Variants in SPPL2A observed in about 807,000 individuals in gnomAD.
The protein encoded by SPPL2A is signal peptide peptidase like 2A, also known as signal peptide peptidase-like 2A.
A neutral mutation model predicts 63.8 loss-of-function variants in SPPL2A; 51 were observed. The observed-to-expected ratio is 0.80, with a 90% CI of 0.64 to 1.01. The LOEUF is 1.01. Ranked by LOEUF, SPPL2A falls within the 50% of genes least tolerant of loss-of-function variation. The pLI is 0.00. For missense variants in SPPL2A, 553 were observed against 622.7 expected (o/e 0.89, Z 1.19); for synonymous variants, 188 against 205.8 (o/e 0.91, Z 0.74).
chr15:50,727,892 T>G (rs560930162), intron 10 of SPPL2A, among the ~76,000 whole-genome samples: 6 of 152,192 alleles, frequency 3.9e-5, no homozygotes, highest in East Asian at 3.8e-4. Flanking sequence ...GAGCGAGCAC[T>G]TAGCTTTTTC....
At chr15:50,717,229 C>T (rs2062605279) in intron 14 of SPPL2A, among the ~76,000 whole-genome samples, 1 of 152,132 alleles carries the variant, frequency 6.6e-6, no homozygotes, top group Admixed American at 6.6e-5. Flanking sequence ...GGGCTGAGTG[C>T]AGTGGTGCAA....
chr15:50,711,458 G>A (rs1340317786), intron 14 of SPPL2A, among the ~76,000 whole-genome samples: 2 of 152,032 alleles, frequency 1.3e-5, no homozygotes, highest in African/African-American at 2.4e-5. Flanking sequence ...CAATCCACCC[G>A]CCTCAGCCTC....
rs2062559806 is a variant in SPPL2A, at chr15:50,711,654, C to T, written c.1489-3780G>A. The stretch of plus-strand genomic sequence containing the variant: ...AAGTTACAAGTGAGGTATAAGTTGC[C>T]CCCTAAAAACAGCATGGAAAGACTG... On this transcript the variant is annotated intron_variant, in intron 14 of 14. Coordinates refer to ENST00000261854, the MANE Select transcript of SPPL2A (RefSeq NM_032802.4). 8.5e-5 allele frequency among the ~76,000 whole-genome samples: 13 copies of T among 152,142 alleles called. No homozygotes were observed. In the South Asian group the frequency reaches 2.7e-3, roughly 32 times the overall value.
At chr15:50,721,504 T>TA (rs1338979094) in intron 13 of SPPL2A, among the ~76,000 whole-genome samples, 3 of 152,046 alleles carry the variant, frequency 2.0e-5, no homozygotes, top group Admixed American at 6.6e-5. Context: ...GATCATGACT[T>TA]ACTGCAGCCT....
chr15:50,714,195 AT>A (rs2062582099), intron 14 of SPPL2A, among the ~76,000 whole-genome samples: 1 of 152,202 alleles, frequency 6.6e-6, no homozygotes, highest in African/African-American at 2.4e-5. Context: ...TTTTAAACAG[AT>A]TTTCCTACAA....
chr15:50,746,691 T>C (rs1261358669), intron 5 of SPPL2A: 1 of 140,338 alleles, frequency 7.1e-6, no homozygotes, highest in Non-Finnish European at 1.5e-5. Context: ...TTTGGAGACA[T>C]AGTCTCACTC....
In SPPL2A at chr15:50,702,426, T is replaced by G. The variant is rs929890417; in HGVS notation, c.*5374A>C. 6.6e-6 allele frequency: 1 copy of G among 152,154 alleles called. No homozygotes were observed. Among genetic ancestry groups the G allele is most frequent in the Non-Finnish European group, 1.5e-5 (1 of 68,028 alleles). 9.4% of individuals were successfully genotyped at this position (152,154 alleles called of 1,614,324 possible). A position where few individuals can be genotyped will look rare whatever the true frequency, so the allele number is the denominator to read the frequency against. The stretch of plus-strand genomic sequence containing the variant: ...TCCATAAAAATATAAAGCCTAGTAG[T>G]GTTATAAAAGTATTAATTTACACTA... On this transcript the variant is annotated 3_prime_UTR_variant, in exon 15 of 15. Coordinates refer to ENST00000261854, the MANE Select transcript of SPPL2A (RefSeq NM_032802.4).
In SPPL2A at chr15:50,703,356, A is replaced by ATATATATATATATATTTTTTTT. The variant is rs1196710672; in HGVS notation, c.*4443_*4444insAAAAAAAATATATATATATATA. The ATATATATATATATATTTTTTTT allele has an allele frequency of 1.6e-5, 1 of 62,042 alleles. No individual in the cohort carries two copies. The highest frequency in any genetic ancestry group is 7.0e-5 in the African/African-American group (1 of 14,240). 3.8% of individuals were successfully genotyped at this position (62,042 alleles called of 1,614,324 possible). The stretch of plus-strand genomic sequence containing the variant: ...TATATATATATATATACATATATAT[A>ATATATATATATATATTTTTTTT]TTTTTTTTTTTTTTTTTTTTTTTTG... On this transcript the variant is annotated 3_prime_UTR_variant, in exon 15 of 15. Coordinates refer to ENST00000261854, the MANE Select transcript of SPPL2A (RefSeq NM_032802.4).
At chr15:50,719,800 A>G (rs1474253331) in intron 14 of SPPL2A, 140 bp downstream of exon 14, 2 of 497,560 alleles carry the variant, frequency 4.0e-6, no homozygotes, top group Admixed American at 3.6e-5. Context: ...ATGATGATTC[A>G]ATAGGTGGAC....
chr15:50,760,834 T>A (rs914669157), intron 1 of SPPL2A, among the ~76,000 whole-genome samples: 13 of 152,104 alleles, frequency 8.5e-5, no homozygotes, highest in Non-Finnish European at 1.8e-4. Context: ...GAGAAAGAAT[T>A]GAAGAATCTT....
In SPPL2A at chr15:50,765,536, G is replaced by T; in HGVS notation, c.-3C>A. 1 of 1,494,086 alleles carries T rather than the reference G, an allele frequency of 6.7e-7. No homozygotes were observed. Among genetic ancestry groups the T allele is most frequent in the Non-Finnish European group, 8.9e-7 (1 of 1,129,508 alleles). 92.6% of individuals were successfully genotyped at this position (1,494,086 alleles called of 1,614,324 possible). The stretch of plus-strand genomic sequence containing the variant: ...GACAGCCGCCGCTGCGGCCCCATCG[G>T]ACTGGTGGGTGCCGGGTGGGACGGC... On this transcript the variant is annotated 5_prime_UTR_variant, in exon 1 of 15. Coordinates refer to ENST00000261854, the MANE Select transcript of SPPL2A (RefSeq NM_032802.4).
intron 12 of SPPL2A, 89 bp from the exon 13 acceptor site, chr15:50,722,290 A>G (rs1267181759): frequency 4.1e-6 from 3 of 725,662 alleles, no homozygotes; most frequent in Non-Finnish European, 7.1e-6. Flanking sequence ...TGTTATATTG[A>G]ATCTTCATTG....
Position 50,742,176 on chromosome 15 carries a change from G to A in SPPL2A, c.585-2348C>T, listed in dbSNP as rs544075794. ...TGTAATCCCAGCACTTTGGGAGGCT[G>A]AGGCAGGCGGATCACCTGAGGTCAG... On this transcript the variant is annotated intron_variant, in intron 5 of 14. Coordinates refer to ENST00000261854, the MANE Select transcript of SPPL2A (RefSeq NM_032802.4). Among the ~76,000 whole-genome samples the A allele has an allele frequency of 1.3e-4, 20 of 152,232 alleles. No homozygotes were observed. The East Asian group carries it at 3.9e-3, about 29-fold the overall frequency.
In SPPL2A at chr15:50,703,356, A is replaced by ATATTT. The variant is rs1196710672; in HGVS notation, c.*4443_*4444insAAATA. The ATATTT allele has an allele frequency of 1.5e-3, 93 of 62,048 alleles. 1 individual carries two copies. Among genetic ancestry groups the ATATTT allele is most frequent in the Non-Finnish European group, 2.0e-3 (69 of 35,144 alleles). The allele number at this position is 62,048 out of a possible 1,614,324, so 3.8% of individuals were successfully genotyped here. A position where few individuals can be genotyped will look rare whatever the true frequency, so the allele number is the denominator to read the frequency against. On this transcript the variant is annotated 3_prime_UTR_variant, in exon 15 of 15. Transcript: ENST00000261854. ...TATATATATATATATACATATATATATTTTTTTTTTTTTTTTTTTTTTTTG... is the reference window on the plus strand; with the variant it reads ...TATATATATATATATACATATATATATATTTTTTTTTTTTTTTTTTTTTTTTTTTG...
chr15:50,763,921 A>T (rs550922801), intron 1 of SPPL2A, among the ~76,000 whole-genome samples: 1 of 152,136 alleles, frequency 6.6e-6, no homozygotes, highest in Non-Finnish European at 1.5e-5. Flanking sequence ...ACAACAACAA[A>T]AAAAGGCCTA....
In SPPL2A at chr15:50,726,340, G is replaced by A; in HGVS notation, c.1127C>T (p.Pro376Leu). 6.2e-7 allele frequency: 1 copy of A among 1,613,928 alleles called. No homozygotes were observed. The highest frequency in any genetic ancestry group is 8.5e-7 in the Non-Finnish European group (1 of 1,179,898). ...CCCTACCTTTTCATTATTTCCAAAA[G>A]GTCCAGCTGCGAGTTCAACCATGAT... Reference protein sequence around the residue: ...ESIMVELAAGPFGNNEKLPVV... With the variant: ...ESIMVELAAGLFGNNEKLPVV... The change falls in exon 11 of 15, where the codon CCT (proline) becomes CTT (leucine). Residue 376 changes from proline (P) to leucine (L), a missense_variant. By Grantham distance (98) the Pro-to-Leu change is moderately conservative. Transcript: ENST00000261854.
intron 14 of SPPL2A, among the ~76,000 whole-genome samples, chr15:50,709,074 A>G (rs1002731240): frequency 6.6e-6 from 1 of 152,114 alleles, no homozygotes; most frequent in African/African-American, 2.4e-5. Flanking sequence ...ACTTTTCTCA[A>G]ATGGTCACTT....
intron 1 of SPPL2A, among the ~76,000 whole-genome samples, chr15:50,751,598 G>C (rs2062906838): frequency 1.3e-5 from 2 of 152,118 alleles, no homozygotes; most frequent in African/African-American, 2.4e-5. Context: ...GGTAACCGCA[G>C]GATTTCTCTA....
intron 9 of SPPL2A, 52 bp downstream of exon 9, chr15:50,732,551 G>A (rs1482207354): frequency 4.4e-6 from 5 of 1,133,490 alleles, no homozygotes; most frequent in Non-Finnish European, 6.4e-6. Context: ...CCTTAATAAA[G>A]TTGTCTTTTA....
Sources: gnomAD v4.1 joint callset for allele counts (sites outside exome capture counted in the v4.1 genomes callset) on GRCh38, gnomAD v4.1.1 for gene constraint, MANE v1.5 for transcripts, NCBI Gene and HGNC (gene_info 2026-07-23, HGNC 2026-07-21) for gene names.